The following POLR1A variants were observed in gnomAD, a reference collection of about 807,000 sequenced individuals.
POLR1A encodes DNA-directed RNA polymerase I subunit RPA1.
Under a neutral mutation model 205.3 loss-of-function variants are expected in POLR1A, and 84 were observed. The observed-to-expected ratio is 0.41, with a 90% CI of 0.34 to 0.49. POLR1A has a LOEUF of 0.49. POLR1A is among the 20% of genes least tolerant of loss of function. The pLI is 0.22. For synonymous variants in POLR1A, 799 were observed against 863.7 expected (o/e 0.93, Z 1.31); for missense variants, 1,645 against 2,204.5 (o/e 0.75, Z 5.08).
intron 11 of POLR1A, among the ~76,000 whole-genome samples, chr2:86,077,440 A>C (rs191190795): frequency 6.6e-6 from 1 of 152,172 alleles, no homozygotes; most frequent in Non-Finnish European, 1.5e-5. Flanking sequence ...TGATGCCTGG[A>C]AAGTACACAG....
At chr2:86,080,711 G>C (rs1042905189) in intron 9 of POLR1A, 105 bp downstream of exon 9, 1 of 1,146,694 alleles carries the variant, frequency 8.7e-7, no homozygotes, top group African/African-American at 1.5e-5. Flanking sequence ...CAGCTGCACA[G>C]AACATCCCAG....
chr2:86,079,953 T>C (rs1055211092), intron 9 of POLR1A, among the ~76,000 whole-genome samples: 1 of 152,186 alleles, frequency 6.6e-6, no homozygotes, highest in Non-Finnish European at 1.5e-5. Flanking sequence ...GGCATGCACA[T>C]GGCTGATGTC....
At chr2:86,092,789 C>T (rs147790597) in intron 3 of POLR1A, among the ~76,000 whole-genome samples, 1 of 152,282 alleles carries the variant, frequency 6.6e-6, no homozygotes, top group East Asian at 1.9e-4. Flanking sequence ...TGTGCTGCTG[C>T]ACTCCAGCTT....
chr2:86,090,922 C>G (rs1209988055), intron 3 of POLR1A, among the ~76,000 whole-genome samples: 1 of 152,200 alleles, frequency 6.6e-6, no homozygotes, highest in African/African-American at 2.4e-5. Context: ...TGCCACTGCA[C>G]TACTCCACTG....
At chr2:86,098,560 C>A in intron 3 of POLR1A, 51 bp downstream of exon 3, 1 of 1,584,010 alleles carries the variant, frequency 6.3e-7, no homozygotes, top group Non-Finnish European at 8.6e-7. Flanking sequence ...TCTCTTGTTC[C>A]CCACACCACT....
Position 86,031,479 on chromosome 2 carries a change from G to A in POLR1A, c.4429C>T (p.Pro1477Ser). 3 of 1,614,102 alleles carry A rather than the reference G, an allele frequency of 1.9e-6. No homozygotes were observed. Among genetic ancestry groups the A allele is most frequent in the Non-Finnish European group, 2.5e-6 (3 of 1,179,920 alleles). Residue 1477 changes from proline to serine, a missense_variant, in exon 30 of 34, where the codon CCC becomes TCC. Physicochemically the swap from Pro to Ser is moderately conservative, Grantham distance 74 (BLOSUM62 -1). This residue lies in a region of POLR1A where 394 missense variants were observed against 468.5 expected (regional missense o/e 0.84). Coordinates refer to ENST00000263857, the MANE Select transcript of POLR1A (RefSeq NM_015425.6). ...GLGTEEDPSL[P>S]ALLTQPRKPT... ...TTCCGGGGCTGCGTCAGGAGGGCGGGAAGGGACGGGTCCTCCTCAGTGCCT... is the reference window on the plus strand; with the variant it reads ...TTCCGGGGCTGCGTCAGGAGGGCGGAAAGGGACGGGTCCTCCTCAGTGCCT...
intron 28 of POLR1A, 25 bp downstream of exon 28, chr2:86,033,636 T>G: frequency 6.2e-7 from 1 of 1,610,052 alleles, no homozygotes; most frequent in Non-Finnish European, 8.5e-7. Context: ...TGTGCAACTC[T>G]AGTGACCCCC....
chr2:86,041,745 T>G, intron 24 of POLR1A, 144 bp downstream of exon 24: 1 of 690,374 alleles, frequency 1.4e-6, no homozygotes, highest in Non-Finnish European at 2.5e-6. Flanking sequence ...GCGTTGCCCC[T>G]GGCTGTCTTA....
rs1342264834 is a variant in POLR1A at position 86,027,426 on chromosome 2, T to A, written c.5160A>T (p.Arg1720Ser). 3 of 1,613,624 alleles carry A rather than the reference T, an allele frequency of 1.9e-6. No homozygotes were observed. The South Asian group carries it at 3.3e-5, about 18-fold the overall frequency. The change falls in exon 34 of 34, where the codon AGA (arginine) becomes AGT (serine). Residue 1720 changes from arginine to serine, a missense_variant. This residue lies in a region of POLR1A where 86 missense variants were observed against 149.8 expected (regional missense o/e 0.57). Transcript: ENST00000263857. Reference sequence around the variant, plus strand: ...GCAGATGGTGCCGGGGTAGCTGCTATCTCAGAGGCTGCTTGAGCTCGAACA... The same window carrying A: ...GCAGATGGTGCCGGGGTAGCTGCTAACTCAGAGGCTGCTTGAGCTCGAACA... ...TGLFELKQPL[R>S] is the part of the protein sequence containing the mutation.
At position 86,098,634 on chromosome 2, in the gene POLR1A, C is replaced by T. The variant is rs368460121; in HGVS notation, c.409G>A (p.Glu137Lys). 70 of 1,613,544 alleles carry T rather than the reference C, an allele frequency of 4.3e-5. No homozygotes were observed. The highest frequency in any genetic ancestry group is 5.3e-5 in the African/African-American group (4 of 74,844). ...ACCCTGTTCAGAATTCTCTCAAGCT[C>T]GTAGACTGCTTGTAGGGCCCCGACT... ...LEVGALQAVY[E>K]LERILNRFLE... The change falls in exon 3 of 34, where the codon GAG (glutamate) becomes AAG (lysine). Residue 137 changes from glutamate to lysine, a missense_variant. By Grantham distance (56) the Glu-to-Lys change is moderately conservative. Around this residue, in one of 16 missense-constraint regions of POLR1A, gnomAD observed 330 missense variants for 375.6 expected, o/e 0.88. Coordinates refer to ENST00000263857, the MANE Select transcript of POLR1A (RefSeq NM_015425.6).
At chr2:86,031,666 C>T in intron 29 of POLR1A, 31 bp from the exon 30 acceptor site, 1 of 1,581,306 alleles carries the variant, frequency 6.3e-7, no homozygotes. Context: ...GGCTGTGTCA[C>T]TTGGGGACCC....
rs993077238 is a variant in POLR1A at position 86,026,212 on chromosome 2, C to T, written c.*1211G>A. On this transcript the variant is annotated 3_prime_UTR_variant, in exon 34 of 34. Transcript: ENST00000263857. ...GGCTGCAGAGGCTGAGCTCTTCCCC[C>T]TAAGGCCTCAGACAAGAAAGCACAG... 4.6e-5 allele frequency: 7 copies of T among 152,272 alleles called. No homozygotes were observed. Among genetic ancestry groups the T allele is most frequent in the African/African-American group, 1.7e-4 (7 of 41,436 alleles). The allele number at this position is 152,272 out of a possible 1,614,324, so 9.4% of individuals were successfully genotyped here. A position where few individuals can be genotyped will look rare whatever the true frequency, so the allele number is the denominator to read the frequency against.
intron 31 of POLR1A, among the ~76,000 whole-genome samples, chr2:86,029,891 C>T (rs1276851427): frequency 1.1e-4 from 16 of 152,112 alleles, no homozygotes; most frequent in African/African-American, 9.7e-5. Context: ...TGAACCACCA[C>T]GCCCGGCCCG....
intron 7 of POLR1A, among the ~76,000 whole-genome samples, chr2:86,082,601 G>C (rs926220538): frequency 8.6e-5 from 13 of 151,256 alleles, no homozygotes; most frequent in African/African-American, 3.2e-4. Context: ...TTATTACACA[G>C]AGGTTATAGT....
intron 19 of POLR1A, among the ~76,000 whole-genome samples, chr2:86,046,000 T>C (rs2104393025): frequency 6.6e-6 from 1 of 152,182 alleles, no homozygotes; most frequent in East Asian, 1.9e-4. Context: ...CAGTTGAAAA[T>C]GGGTGCTCTC....
chr2:86,052,675 C>T (rs1311295356), intron 16 of POLR1A, 142 bp downstream of exon 16: 1 of 603,354 alleles, frequency 1.7e-6, no homozygotes, highest in Non-Finnish European at 2.7e-6. Context: ...GCACTGGGGA[C>T]CTGGAAAGAC....
Position 86,100,133 on chromosome 2 carries a change from C to T in POLR1A, c.117G>A (p.Leu39=), listed in dbSNP as rs1349049308. ...SVKSITNPRY[L]DSLGNPSANG... is the part of the protein sequence containing the mutation. The stretch of plus-strand genomic sequence containing the variant: ...TTGCCGATGGGTTCCCCAGGCTGTC[C>T]AGGTATCGAGGGTTCGTAATGGATT... Residue 39 remains leucine (L), a synonymous_variant, in exon 2 of 34, where the codon CTG becomes CTA. Transcript: ENST00000263857. 1.2e-6 allele frequency: 2 copies of T among 1,614,014 alleles called. No homozygotes were observed. The highest frequency in any genetic ancestry group is 1.7e-6 in the Non-Finnish European group (2 of 1,180,014).
intron 6 of POLR1A, among the ~76,000 whole-genome samples, chr2:86,086,516 C>T (rs1043922991): frequency 1.3e-5 from 2 of 152,228 alleles, no homozygotes; most frequent in Non-Finnish European, 2.9e-5. Context: ...CTTCAGAGAG[C>T]AGAGACCACA....
chr2:86,072,464 G>A (rs970964122), intron 12 of POLR1A, among the ~76,000 whole-genome samples: 3 of 152,224 alleles, frequency 2.0e-5, no homozygotes, highest in Non-Finnish European at 2.9e-5. Context: ...AAGCAAACTC[G>A]CCACAGCTGG....
Sources: gnomAD v4.1 joint callset for allele counts (sites outside exome capture counted in the v4.1 genomes callset) on GRCh38, gnomAD v4.1.1 for gene constraint, gnomAD v4.1.1 regional missense constraint, MANE v1.5 for transcripts, NCBI Gene and HGNC (gene_info 2026-07-23, HGNC 2026-07-21) for gene names.